Variants in SERPINI2 observed in about 807,000 individuals in gnomAD.
SERPINI2 encodes serpin family I member 2, also known as serpin I2.
Under a neutral mutation model 47.3 loss-of-function variants are expected in SERPINI2, and 48 were observed. The observed-to-expected ratio is 1.02, with a 90% CI of 0.81 to 1.29. SERPINI2 has a LOEUF of 1.29. SERPINI2 is among the 50% of genes most tolerant of loss of function. The pLI, the probability that SERPINI2 is intolerant of heterozygous loss-of-function variation, is 0.00. For missense variants in SERPINI2, 448 were observed against 456.9 expected, an observed-to-expected ratio of 0.98 and a Z score of 0.18; for synonymous variants, 135 against 149.3, an observed-to-expected ratio of 0.90 and a Z score of 0.70.
In SERPINI2 at chr3:167,449,475, T is replaced by C. The variant is rs1749582322; in HGVS notation, c.965-73A>G. The C allele has an allele frequency of 4.2e-6, 3 of 716,210 alleles. No individual in the cohort carries two copies. In the South Asian group the frequency reaches 6.2e-5, roughly 15 times the overall value. The allele number at this position is 716,210 out of a possible 1,614,324, so 44.4% of individuals were successfully genotyped here. A position where few individuals can be genotyped will look rare whatever the true frequency, so the allele number is the denominator to read the frequency against. ...AAGCCGTTACCTATTAGATCTCAATTAATTACATTTATTTATTTATTTATT... is the reference window on the plus strand; with the variant it reads ...AAGCCGTTACCTATTAGATCTCAATCAATTACATTTATTTATTTATTTATT... On this transcript the variant is annotated intron_variant, in intron 6 of 8. Transcript: ENST00000264677.
rs939024645 is a variant in SERPINI2, at chr3:167,459,224, G to A, written c.866+5982C>T. Among the ~76,000 whole-genome samples, 5 of 151,858 alleles carry A rather than the reference G, an allele frequency of 3.3e-5. No homozygotes were observed. The South Asian group carries it at 1.0e-3, about 31-fold the overall frequency. On this transcript the variant is annotated intron_variant, in intron 5 of 8. Coordinates refer to ENST00000264677, the Ensembl canonical transcript of SERPINI2. Reference sequence around the variant, plus strand: ...CGAGTAGCTGGGACTACAGGCGCCCGCCACTATGCCCGGCTAATTTTTTGT... The same window carrying A: ...CGAGTAGCTGGGACTACAGGCGCCCACCACTATGCCCGGCTAATTTTTTGT...
At chr3:167,470,489 C>G (rs1577179328) in intron 2 of SERPINI2, among the ~76,000 whole-genome samples, 1 of 146,642 alleles carries the variant, frequency 6.8e-6, no homozygotes, top group African/African-American at 2.6e-5. Flanking sequence ...AATCCAAAAG[C>G]TGAAAATTAA....
At chr3:167,451,037 A>C (rs1749625945) in intron 6 of SERPINI2, among the ~76,000 whole-genome samples, 2 of 152,218 alleles carry the variant, frequency 1.3e-5, no homozygotes, top group Admixed American at 1.3e-4. Flanking sequence ...CATTGTTATT[A>C]AATTAAGAGA....
exon 5 of SERPINI2, chr3:167,465,270 C>G (rs747805883): frequency 6.2e-7 from 1 of 1,612,778 alleles, no homozygotes; most frequent in South Asian, 1.1e-5. Context: ...ATTTGTTGAG[C>G]AGTAATTAGT....
chr3:167,449,922 G>A (rs1351444400), intron 6 of SERPINI2, among the ~76,000 whole-genome samples: 2 of 152,198 alleles, frequency 1.3e-5, no homozygotes, highest in Non-Finnish European at 2.9e-5. Context: ...TACAGAGAGA[G>A]ATCAAGTTTT....
At chr3:167,471,690 G>A in exon 2 of SERPINI2, 1 of 1,613,444 alleles carries the variant, frequency 6.2e-7, no homozygotes, top group Admixed American at 1.7e-5. Context: ...ATTCCAAGGG[G>A]TGAAAATATA....
At chr3:167,455,970 G>A (rs1464714372) in intron 5 of SERPINI2, among the ~76,000 whole-genome samples, 1 of 152,118 alleles carries the variant, frequency 6.6e-6, no homozygotes, top group Admixed American at 6.5e-5. Context: ...TTTGACATGA[G>A]ATTTGGGTGG....
intron 7 of SERPINI2, chr3:167,446,791 C>T (rs1326348395): frequency 5.7e-6 from 1 of 174,810 alleles, no homozygotes; most frequent in Non-Finnish European, 1.2e-5. Context: ...CAGTAATTTT[C>T]TGTTCACTTT....
intron 5 of SERPINI2, among the ~76,000 whole-genome samples, chr3:167,453,508 C>T (rs1039559676): frequency 1.3e-5 from 2 of 152,084 alleles, no homozygotes; most frequent in Non-Finnish European, 2.9e-5. Flanking sequence ...ATTTATAACC[C>T]ATCATTCATC....
chr3:167,467,597 G>A (rs1750176728), intron 2 of SERPINI2, among the ~76,000 whole-genome samples: 1 of 152,136 alleles, frequency 6.6e-6, no homozygotes, highest in African/African-American at 2.4e-5. Flanking sequence ...CGCATTTTTA[G>A]TTATTGAAAT....
chr3:167,442,784 A>T (rs1195578388), intron 8 of SERPINI2, among the ~76,000 whole-genome samples: 1 of 152,212 alleles, frequency 6.6e-6, no homozygotes, highest in African/African-American at 2.4e-5. Context: ...GGAACTAAGA[A>T]CTAAAGGACA....
chr3:167,450,315 A>T (rs1749607071), intron 6 of SERPINI2, among the ~76,000 whole-genome samples: 1 of 152,164 alleles, frequency 6.6e-6, no homozygotes, highest in Admixed American at 6.5e-5. Flanking sequence ...CTGAGAGTGA[A>T]TGCTCCTTTT....
intron 2 of SERPINI2, among the ~76,000 whole-genome samples, chr3:167,467,738 A>T (rs1024512065): frequency 3.3e-5 from 5 of 152,172 alleles, no homozygotes; most frequent in Non-Finnish European, 7.4e-5. Flanking sequence ...CAGCTGAAGA[A>T]AAAATTGTTC....
chr3:167,468,601 C>T lies in SERPINI2; in HGVS notation c.248-1316G>A, dbSNP rs551787490. Among the ~76,000 whole-genome samples, 36 of 152,164 alleles carry T rather than the reference C, an allele frequency of 2.4e-4. 1 individual carries two copies. In the South Asian group the frequency reaches 5.2e-3, roughly 22 times the overall value. ...ACTGGTATATAGATACAGGTATAAA[C>T]AATTTCAGATATAAAAAAAACTTAC... is the stretch of plus-strand genomic sequence containing the variant. On this transcript the variant is annotated intron_variant, in intron 2 of 8. Coordinates refer to ENST00000264677, the Ensembl canonical transcript of SERPINI2.
At position 167,449,298 on chromosome 3, in the gene SERPINI2, A is replaced by G. The variant is rs1243495707; in HGVS notation, c.1051+18T>C. On this transcript the variant is annotated intron_variant, in intron 7 of 8. Coordinates refer to ENST00000264677, the Ensembl canonical transcript of SERPINI2. ...CCCCATGTTTCCTTCTAGCTTGGCC[A>G]GAAATCATTCACCCTACCAGTTGAT... 3.8e-6 allele frequency: 6 copies of G among 1,575,418 alleles called. No homozygotes were observed. The highest frequency in any genetic ancestry group is 2.2e-5 in the South Asian group (2 of 90,246).
At chr3:167,465,733 GC>G in intron 3 of SERPINI2, 60 bp from the exon 4 acceptor site, 2 of 1,412,322 alleles carry the variant, frequency 1.4e-6, no homozygotes, top group Non-Finnish European at 1.9e-6. Context: ...CAGTGGAATT[GC>G]TTTGAATAGA....
chr3:167,472,239 T>G (rs1750349718), intron 1 of SERPINI2, among the ~76,000 whole-genome samples: 1 of 152,058 alleles, frequency 6.6e-6, no homozygotes, highest in Admixed American at 6.6e-5. Context: ...TCTACAGTAA[T>G]TTATAGATCA....
chr3:167,455,726 T>C (rs947177965), intron 5 of SERPINI2, among the ~76,000 whole-genome samples: 1 of 152,182 alleles, frequency 6.6e-6, no homozygotes, highest in African/African-American at 2.4e-5. Flanking sequence ...CTGGCATTTG[T>C]TGGTTACCAG....
At chr3:167,465,746 T>G in intron 3 of SERPINI2, 73 bp from the exon 4 acceptor site, 1 of 1,329,262 alleles carries the variant, frequency 7.5e-7, no homozygotes, top group Non-Finnish European at 1.0e-6. Flanking sequence ...TTGAATAGAA[T>G]TAAAGCAAAA....
Sources: gnomAD v4.1 joint callset for allele counts (sites outside exome capture counted in the v4.1 genomes callset) on GRCh38, gnomAD v4.1.1 for gene constraint, MANE v1.5 for transcripts, NCBI Gene and HGNC (gene_info 2026-07-23, HGNC 2026-07-21) for gene names.